The following C10orf90 variants were observed in gnomAD, a reference collection of about 807,000 sequenced individuals.
The protein encoded by C10orf90 is (E2-independent) E3 ubiquitin-conjugating enzyme FATS.
In C10orf90, 56 loss-of-function variants were observed where a neutral mutation model predicts 62.5. The ratio of observed to expected loss-of-function variants is 0.90; its 90% CI spans 0.72 to 1.12. C10orf90 has a LOEUF of 1.12. Among genes scored for constraint, C10orf90 ranks in the 50% most tolerant of loss-of-function variants. The probability of loss-of-function intolerance (pLI) is 0.00; values close to 1 mark genes in which losing one functional copy is unlikely to be tolerated. For synonymous variants in C10orf90, 386 were observed against 340.4 expected (o/e 1.13, Z -1.47); for missense variants, 970 against 880.4 (o/e 1.10, Z -1.29).
intron 1 of C10orf90, among the ~76,000 whole-genome samples, chr10:126,663,940 T>C (rs1396642607): frequency 6.6e-6 from 1 of 152,192 alleles, no homozygotes; most frequent in African/African-American, 2.4e-5. Context: ...TCCTTGCCCC[T>C]AGGGAGGTCC....
At chr10:126,580,007 A>G (rs1289007680) in intron 2 of C10orf90, among the ~76,000 whole-genome samples, 1 of 152,170 alleles carries the variant, frequency 6.6e-6, no homozygotes, top group African/African-American at 2.4e-5. Flanking sequence ...ATTTTCACCC[A>G]CAAAGTGAGC....
intron 4 of C10orf90, among the ~76,000 whole-genome samples, chr10:126,496,236 C>T (rs1396774469): frequency 6.6e-6 from 1 of 151,986 alleles, no homozygotes; most frequent in Non-Finnish European, 1.5e-5. Flanking sequence ...ACCCCCTATT[C>T]ATATAACTGA....
intron 3 of C10orf90, chr10:126,512,133 G>A (rs957618962): frequency 6.6e-6 from 1 of 151,984 alleles, no homozygotes; most frequent in Non-Finnish European, 1.5e-5. Flanking sequence ...AGTTAAGAGG[G>A]AAATTCGAGT....
intron 2 of C10orf90, among the ~76,000 whole-genome samples, chr10:126,617,652 G>T (rs551223780): frequency 6.6e-6 from 1 of 152,348 alleles, no homozygotes; most frequent in African/African-American, 2.4e-5. Context: ...TCATTTGCTG[G>T]AATAACTTCC....
chr10:126,441,789 T>C (rs1858345549), intron 7 of C10orf90, among the ~76,000 whole-genome samples: 1 of 152,086 alleles, frequency 6.6e-6, no homozygotes. Context: ...AAACTAAGTG[T>C]TATACATGAA....
chr10:126,577,684 G>A (rs943251327), intron 2 of C10orf90, among the ~76,000 whole-genome samples: 1 of 152,056 alleles, frequency 6.6e-6, no homozygotes, highest in Non-Finnish European at 1.5e-5. Flanking sequence ...TTCAAATTCA[G>A]GTGGAAAATC....
At chr10:126,661,386 A>G (rs1846508527) in intron 1 of C10orf90, among the ~76,000 whole-genome samples, 1 of 152,228 alleles carries the variant, frequency 6.6e-6, no homozygotes, top group African/African-American at 2.4e-5. Context: ...TCATATGAAT[A>G]CAGATGAGAA....
intron 2 of C10orf90, among the ~76,000 whole-genome samples, chr10:126,577,049 T>C (rs1221925789): frequency 6.6e-6 from 1 of 151,640 alleles, no homozygotes; most frequent in Non-Finnish European, 1.5e-5. Flanking sequence ...AAATTACAGC[T>C]AGATAGGAAG....
At chr10:126,601,873 G>T (rs1845204762) in intron 2 of C10orf90, among the ~76,000 whole-genome samples, 1 of 152,258 alleles carries the variant, frequency 6.6e-6, no homozygotes, top group Admixed American at 6.5e-5. Context: ...CTTGCCTCCA[G>T]GGAGCAGGAA....
intron 2 of C10orf90, among the ~76,000 whole-genome samples, chr10:126,597,181 C>A (rs1207438793): frequency 6.6e-6 from 1 of 152,108 alleles, no homozygotes; most frequent in Non-Finnish European, 1.5e-5. Flanking sequence ...TACATGTAAC[C>A]CAGCAAACCC....
intron 2 of C10orf90, among the ~76,000 whole-genome samples, chr10:126,643,289 C>T (rs181696752): frequency 2.8e-4 from 42 of 152,316 alleles, no homozygotes; most frequent in Non-Finnish European, 4.7e-4. Context: ...CTGGAGTTTA[C>T]TATGTGGCCA....
intron 7 of C10orf90, among the ~76,000 whole-genome samples, chr10:126,437,674 AT>A (rs1440921234): frequency 6.6e-6 from 1 of 152,210 alleles, no homozygotes; most frequent in African/African-American, 2.4e-5. Flanking sequence ...TTTGGGACAC[AT>A]TTATACTAAA....
chr10:126,580,164 C>A (rs970068357), intron 2 of C10orf90, among the ~76,000 whole-genome samples: 2 of 152,158 alleles, frequency 1.3e-5, no homozygotes, highest in Non-Finnish European at 2.9e-5. Flanking sequence ...GGCATAGGGT[C>A]TGGTAAAGGA....
chr10:126,497,670 C>T (rs558704836), intron 4 of C10orf90, among the ~76,000 whole-genome samples: 69 of 152,276 alleles, frequency 4.5e-4, no homozygotes, highest in African/African-American at 1.6e-3. Context: ...TGCCCTGGAG[C>T]AGGGGGGGTC....
At chr10:126,656,116 G>T (rs763727339) in intron 1 of C10orf90, among the ~76,000 whole-genome samples, 1 of 152,074 alleles carries the variant, frequency 6.6e-6, no homozygotes, top group Non-Finnish European at 1.5e-5. Flanking sequence ...CAGAAAAATC[G>T]TAGCAGCCAC....
intron 5 of C10orf90, 67 bp from the exon 6 acceptor site, chr10:126,461,652 C>A: frequency 1.4e-5 from 19 of 1,398,042 alleles, no homozygotes; most frequent in Middle Eastern, 2.2e-4. Context: ...TCCTCAATAC[C>A]ATTAGACACA....
chr10:126,546,816 G>A (rs1864503429), intron 2 of C10orf90, among the ~76,000 whole-genome samples: 1 of 152,222 alleles, frequency 6.6e-6, no homozygotes, highest in African/African-American at 2.4e-5. Context: ...TGAGTGTCCA[G>A]GTTTTCATTG....
At chr10:126,464,652 A>C (rs764531718) in intron 5 of C10orf90, 44 bp downstream of exon 5, 6 of 1,559,370 alleles carry the variant, frequency 3.8e-6, no homozygotes, top group Middle Eastern at 1.8e-4. Flanking sequence ...ATTTTTATCG[A>C]ATGTCAAGAC....
chr10:126,441,076 T>G (rs2134023307), intron 7 of C10orf90, among the ~76,000 whole-genome samples: 1 of 152,274 alleles, frequency 6.6e-6, no homozygotes, highest in African/African-American at 2.4e-5. Flanking sequence ...GGTTAGTTAT[T>G]AAGCTAATCA....
Sources: gnomAD v4.1 joint callset for allele counts (sites outside exome capture counted in the v4.1 genomes callset) on GRCh38, gnomAD v4.1.1 for gene constraint, MANE v1.5 for transcripts, NCBI Gene and HGNC (gene_info 2026-07-23, HGNC 2026-07-21) for gene names.